The following GUCY2C variants were observed in gnomAD, a reference collection of about 807,000 sequenced individuals.
GUCY2C encodes guanylate cyclase 2C.
In GUCY2C, 118 loss-of-function variants were observed where a neutral mutation model predicts 131.1. That is an observed-to-expected ratio of 0.90 (90% CI 0.78 to 1.05). The LOEUF is 1.05. Among genes scored for constraint, GUCY2C ranks in the 50% least tolerant of loss-of-function variants. The probability of loss-of-function intolerance (pLI) is 0.00; values close to 1 mark genes in which losing one functional copy is unlikely to be tolerated. For synonymous variants in GUCY2C, 452 were observed against 457.8 expected, an observed-to-expected ratio of 0.99 and a Z score of 0.16; for missense variants, 1,161 against 1,304.4, an observed-to-expected ratio of 0.89 and a Z score of 1.69.
intron 1 of GUCY2C, among the ~76,000 whole-genome samples, chr12:14,691,078 A>C (rs978555843): frequency 6.6e-6 from 1 of 152,246 alleles, no homozygotes; most frequent in African/African-American, 2.4e-5. Context: ...AACAAATAAG[A>C]ATGTTTTTAA....
chr12:14,622,169 C>T lies in GUCY2C; in HGVS notation c.2437G>A (p.Gly813Ser), dbSNP rs753036868. 1 of 1,574,378 alleles carries T rather than the reference C, an allele frequency of 6.4e-7. No individual in the cohort carries two copies. Among genetic ancestry groups the T allele is most frequent in the South Asian group, 1.2e-5 (1 of 83,944 alleles). Residue 813 changes from glycine to serine, a missense_variant, in exon 22 of 27, where the codon GGC (glycine) becomes AGC (serine). Coordinates refer to ENST00000261170, the MANE Select transcript of GUCY2C (RefSeq NM_004963.4). ...TCATATAGTTCCGGCTCCACAAAGC[C>T]TTTCTCCTTCAGAGACTTTACCACT... ...RLVVKSLKEK[G>S]FVEPELYEEV...
intron 3 of GUCY2C, among the ~76,000 whole-genome samples, chr12:14,684,712 C>T (rs992134815): frequency 1.3e-5 from 2 of 150,560 alleles, no homozygotes; most frequent in African/African-American, 2.4e-5. Flanking sequence ...CTCTGACACT[C>T]AGGCTGGAGT....
intron 19 of GUCY2C, among the ~76,000 whole-genome samples, chr12:14,633,051 C>T (rs761762360): frequency 3.3e-5 from 5 of 152,164 alleles, no homozygotes; most frequent in Non-Finnish European, 5.9e-5. Flanking sequence ...CCCGGGAATC[C>T]ACCCACCAGC....
At chr12:14,622,263 C>A (rs935029651) in intron 21 of GUCY2C, 66 bp from the exon 22 acceptor site, 5 of 1,049,396 alleles carry the variant, frequency 4.8e-6, no homozygotes, top group Non-Finnish European at 6.7e-6. Context: ...TCACATAAAT[C>A]TTTCAGGTAG....
chr12:14,663,349 C>A (rs1035090496), intron 10 of GUCY2C, among the ~76,000 whole-genome samples: 3 of 152,248 alleles, frequency 2.0e-5, no homozygotes, highest in African/African-American at 7.2e-5. Context: ...ATGGCACGAT[C>A]TCGGCTCACC....
rs760187529 is a variant in GUCY2C, at chr12:14,613,290, C to T, written c.3049G>A (p.Glu1017Lys). The T allele has an allele frequency of 1.2e-6, 2 of 1,610,390 alleles. No homozygotes were observed. Among genetic ancestry groups the T allele is most frequent in the Non-Finnish European group, 1.7e-6 (2 of 1,176,960 alleles). ...KFNLPTPPTV[E>K]NQQRLQAEFS... ...TCTGCTTGCAAACGCTGTTGATTCT[C>T]CCTGGAAACAGAGTGGGAAGAGAAA... Residue 1017 changes from glutamate to lysine, a missense_variant and splice_region_variant, in exon 27 of 27, where the codon GAG becomes AAG. Glu to Lys is a moderately conservative substitution (Grantham distance 56). Transcript: ENST00000261170. This position sits in a 1 kb window ranked among gnomAD's most constrained non-coding sequence, Gnocchi z 4.9.
intron 10 of GUCY2C, among the ~76,000 whole-genome samples, chr12:14,668,796 G>C (rs1473923559): frequency 6.6e-6 from 1 of 152,144 alleles, no homozygotes; most frequent in Non-Finnish European, 1.5e-5. Context: ...AGGAGATCCT[G>C]AGTGGCCCTG....
intron 19 of GUCY2C, among the ~76,000 whole-genome samples, chr12:14,635,746 A>C (rs1325151487): frequency 6.6e-6 from 1 of 152,166 alleles, no homozygotes; most frequent in Non-Finnish European, 1.5e-5. Flanking sequence ...AGATCCAAAT[A>C]AACAAAATCA....
At chr12:14,619,596 TA>T (rs1430931997) in intron 23 of GUCY2C, 1 of 338,688 alleles carries the variant, frequency 3.0e-6, no homozygotes, top group Non-Finnish European at 5.4e-6. Context: ...TGATTTTAAA[TA>T]GAAGGCTCTC....
intron 24 of GUCY2C, among the ~76,000 whole-genome samples, 177 bp from the exon 25 acceptor site, chr12:14,616,904 G>C (rs1487469031): frequency 1.3e-5 from 2 of 152,170 alleles, no homozygotes; most frequent in Non-Finnish European, 2.9e-5. Flanking sequence ...AAATGGTATA[G>C]TTTGGATATT....
intron 20 of GUCY2C, 126 bp from the exon 21 acceptor site, chr12:14,626,041 CA>C (rs1357328643): frequency 3.1e-6 from 2 of 647,834 alleles, no homozygotes; most frequent in Non-Finnish European, 5.2e-6. Flanking sequence ...ACAAACATAA[CA>C]AAAAAACTCA....
At chr12:14,635,506 A>G (rs1947249292) in intron 19 of GUCY2C, among the ~76,000 whole-genome samples, 1 of 152,172 alleles carries the variant, frequency 6.6e-6, no homozygotes. Flanking sequence ...GCATCAAAAA[A>G]TCAGAAAAAA....
At chr12:14,684,884 C>T (rs1948441961) in intron 3 of GUCY2C, among the ~76,000 whole-genome samples, 1 of 151,846 alleles carries the variant, frequency 6.6e-6, no homozygotes, top group Non-Finnish European at 1.5e-5. Context: ...ACTATGTTGC[C>T]TAGGCTAGTC....
chr12:14,651,883 C>T, intron 14 of GUCY2C, 76 bp downstream of exon 14: 1 of 795,378 alleles, frequency 1.3e-6, no homozygotes, highest in Non-Finnish European at 2.1e-6. Context: ...CAGCCTCTTA[C>T]TCCACCAGCA....
chr12:14,686,188 G>C lies in GUCY2C; in HGVS notation c.368C>G (p.Ser123Ter), dbSNP rs1194298705. ...QRMGCVLIGP[S>*]CTYSTFQMYL... ...CATCTGGAAGGTGGAGTATGTACAT[G>C]AGGGCCCTATGAGGACACAGCCCAT... The change falls in exon 3 of 27, where the codon TCA becomes TGA. Residue 123 changes from serine (S) to a stop codon, truncating the protein, a stop_gained. Coordinates refer to ENST00000261170, the MANE Select transcript of GUCY2C (RefSeq NM_004963.4). LOFTEE classifies it high-confidence loss of function. The C allele has an allele frequency of 6.2e-7, 1 of 1,607,192 alleles. No homozygotes were observed. The highest frequency in any genetic ancestry group is 1.3e-5 in the African/African-American group (1 of 74,790).
intron 26 of GUCY2C, chr12:14,614,650 T>G: frequency 2.0e-6 from 1 of 488,066 alleles, no homozygotes; most frequent in Non-Finnish European, 3.6e-6. Flanking sequence ...GCTAAATACT[T>G]TTCTGTTTCA....
At chr12:14,669,670 T>C in intron 10 of GUCY2C, 52 bp downstream of exon 10, 1 of 907,276 alleles carries the variant, frequency 1.1e-6, no homozygotes, top group South Asian at 1.5e-5. Flanking sequence ...ACTTTACTTT[T>C]CTTACCAGGA....
intron 19 of GUCY2C, among the ~76,000 whole-genome samples, chr12:14,630,370 C>T (rs1448714389): frequency 6.6e-6 from 1 of 152,094 alleles, no homozygotes; most frequent in African/African-American, 2.4e-5. Context: ...CGATCCTGTG[C>T]CACAGAGTGA....
At chr12:14,636,190 C>T (rs1198208636) in intron 19 of GUCY2C, among the ~76,000 whole-genome samples, 1 of 151,846 alleles carries the variant, frequency 6.6e-6, no homozygotes, top group Non-Finnish European at 1.5e-5. Flanking sequence ...AACATAGATG[C>T]AAAAATCCTC....
Sources: gnomAD v4.1 joint callset for allele counts (sites outside exome capture counted in the v4.1 genomes callset) on GRCh38, gnomAD v4.1.1 for gene constraint, Gnocchi (gnomAD v3.1) non-coding constraint, MANE v1.5 for transcripts, NCBI Gene and HGNC (gene_info 2026-07-23, HGNC 2026-07-21) for gene names.